The following TRIM58 variants were observed in gnomAD, a reference collection of about 807,000 sequenced individuals.
TRIM58 encodes E3 ubiquitin-protein ligase TRIM58.
In TRIM58, 38 loss-of-function variants were observed where a neutral mutation model predicts 34.1. The observed-to-expected ratio is 1.12, with a 90% CI of 0.86 to 1.46. The LOEUF (loss-of-function observed/expected upper bound fraction) is 1.46. Among genes scored for constraint, TRIM58 ranks in the 40% most tolerant of loss-of-function variants. The probability of loss-of-function intolerance (pLI) is 0.00; values close to 1 mark genes in which losing one functional copy is unlikely to be tolerated. For synonymous variants in TRIM58, 273 were observed against 275.7 expected (o/e 0.99, Z 0.10); for missense variants, 677 against 642.0 (o/e 1.05, Z -0.59).
At chr1:247,865,397 CAG>C (rs1663896301) in intron 3 of TRIM58, among the ~76,000 whole-genome samples, 1 of 152,202 alleles carries the variant, frequency 6.6e-6, no homozygotes, top group Non-Finnish European at 1.5e-5. Context: ...CCTAAAACCT[CAG>C]AGTCAGTTTG....
intron 5 of TRIM58, among the ~76,000 whole-genome samples, chr1:247,868,706 A>T (rs533619007): frequency 5.3e-5 from 8 of 152,298 alleles, no homozygotes; most frequent in Non-Finnish European, 1.0e-4. Context: ...TAATTTCCTG[A>T]AACAGCTGAC....
rs878874400 is a variant in TRIM58 at position 247,876,546 on chromosome 1, G to A, written c.*57G>A. ...GCGAACGTTCCTGGAGTGGGGTGAA[G>A]GATATCAATATACTAAGTTTTAACA... On this transcript the variant is annotated 3_prime_UTR_variant, in exon 6 of 6. Transcript: ENST00000366481. 2.9e-6 allele frequency: 4 copies of A among 1,370,028 alleles called. No individual in the cohort carries two copies. The South Asian group carries it at 4.0e-5, about 14-fold the overall frequency. The allele number at this position is 1,370,028 out of a possible 1,614,324, so 84.9% of individuals were successfully genotyped here. A position where few individuals can be genotyped will look rare whatever the true frequency, so the allele number is the denominator to read the frequency against.
rs1358787500 is a variant in TRIM58 at position 247,879,713 on chromosome 1, C to T, written c.*3224C>T. 6.6e-6 allele frequency among the ~76,000 whole-genome samples: 1 copy of T among 151,578 alleles called. No homozygotes were observed. The highest frequency in any genetic ancestry group is 1.5e-5 in the Non-Finnish European group (1 of 67,968). ...GGTTTCCACCAAAGCAGGCACTTCCCATCACAGGGCCATTTCCCCGCCTGT... is the reference window on the plus strand; with the variant it reads ...GGTTTCCACCAAAGCAGGCACTTCCTATCACAGGGCCATTTCCCCGCCTGT... On this transcript the variant is annotated 3_prime_UTR_variant, in exon 6 of 6. Transcript: ENST00000366481.
intron 2 of TRIM58, among the ~76,000 whole-genome samples, chr1:247,863,651 G>A (rs941738392): frequency 6.6e-6 from 1 of 151,954 alleles, no homozygotes; most frequent in East Asian, 1.9e-4. Flanking sequence ...AAAATAAATC[G>A]ATAAAACAGG....
intron 1 of TRIM58, among the ~76,000 whole-genome samples, chr1:247,859,116 A>G (rs753344302): frequency 6.6e-6 from 1 of 152,096 alleles, no homozygotes; most frequent in Non-Finnish European, 1.5e-5. Context: ...TAAATACCAA[A>G]TAAATATTAT....
At chr1:247,863,822 A>G (rs113599515) in intron 2 of TRIM58, among the ~76,000 whole-genome samples, 4 of 152,220 alleles carry the variant, frequency 2.6e-5, no homozygotes, top group African/African-American at 9.6e-5. Flanking sequence ...AAGACGTGAG[A>G]TTCAGGTAGA....
At chr1:247,867,764 G>A (rs1663964179) in intron 3 of TRIM58, 81 bp from the exon 4 acceptor site, 1 of 1,538,542 alleles carries the variant, frequency 6.5e-7, no homozygotes, top group Non-Finnish European at 9.0e-7. Flanking sequence ...AGTTTCTAAG[G>A]AAATTTTTAT....
intron 1 of TRIM58, among the ~76,000 whole-genome samples, chr1:247,859,154 C>A (rs1305376203): frequency 6.6e-6 from 1 of 152,082 alleles, no homozygotes; most frequent in Non-Finnish European, 1.5e-5. Flanking sequence ...TCAGTGAAAG[C>A]TTTCTAGGGC....
Position 247,868,042 on chromosome 1 carries a change from G to T in TRIM58, c.850G>T (p.Glu284Ter), listed in dbSNP as rs1363376184. 5 of 1,608,782 alleles carry T rather than the reference G, an allele frequency of 3.1e-6. No individual in the cohort carries two copies. Among genetic ancestry groups the T allele is most frequent in the Non-Finnish European group, 4.2e-6 (5 of 1,178,230 alleles). ...KTACCIPGRR[E>*]LLRKFQVDVK... ...AGCATGCTGCATCCCTGGGAGGAGG[G>T]AGCTCTTAAGGAAGTTCCAAGGTAG... The change falls in exon 5 of 6, where the codon GAG (glutamate) becomes TAG (stop). Residue 284 changes from glutamate (E) to a stop codon, truncating the protein, a stop_gained. Transcript: ENST00000366481. LOFTEE classifies it low-confidence loss of function (END_TRUNC).
At chr1:247,857,799 C>T in intron 1 of TRIM58, 133 bp downstream of exon 1, 2 of 1,153,896 alleles carry the variant, frequency 1.7e-6, no homozygotes, top group Non-Finnish European at 2.2e-6. Flanking sequence ...CGCGCCGTCC[C>T]CCCCGCCCAC....
rs1659366933 is a variant in TRIM58, at chr1:247,879,679, TC to T, written c.*3191del. 6.6e-6 allele frequency among the ~76,000 whole-genome samples: 1 copy of T among 150,930 alleles called. No individual in the cohort carries two copies. Among genetic ancestry groups the T allele is most frequent in the Non-Finnish European group, 1.5e-5 (1 of 67,894 alleles). ...GCATTCTGCTCCAGCTGCCCTGGCC[TC>T]ATGGCTGGGTTTCCACCAAAGCAGG... is the stretch of plus-strand genomic sequence containing the variant. On this transcript the variant is annotated 3_prime_UTR_variant, in exon 6 of 6. Transcript: ENST00000366481.
rs551159993 is a variant in TRIM58 at position 247,879,232 on chromosome 1, T to C, written c.*2743T>C. Among the ~76,000 whole-genome samples, 57 of 152,304 alleles carry C rather than the reference T, an allele frequency of 3.7e-4. 1 individual carries two copies. The highest frequency in any genetic ancestry group is 1.3e-3 in the African/African-American group (54 of 41,570). The stretch of plus-strand genomic sequence containing the variant: ...TTGATTGCTTAAGCCAGGCATCCGA[T>C]TGAGTACTTTCTTGATTTCTCCAGC... On this transcript the variant is annotated 3_prime_UTR_variant, in exon 6 of 6. Coordinates refer to ENST00000366481, the MANE Select transcript of TRIM58 (RefSeq NM_015431.4).
rs1210884892 is a variant in TRIM58 at position 247,866,343 on chromosome 1, A to AT, written c.747+1419dup. On this transcript the variant is annotated intron_variant, in intron 3 of 5. Coordinates refer to ENST00000366481, the MANE Select transcript of TRIM58 (RefSeq NM_015431.4). The stretch of plus-strand genomic sequence containing the variant: ...AGGCATGTGCCACCGCACCTGGCTA[A>AT]TTTTTTTTTTTGCGTTTTTACTAGA... Among the ~76,000 whole-genome samples, 839 of 146,854 alleles carry AT rather than the reference A, an allele frequency of 5.7e-3. 15 individuals carry two copies. The highest frequency in any genetic ancestry group is 0.024 in the Middle Eastern group (7 of 286).
intron 3 of TRIM58, among the ~76,000 whole-genome samples, chr1:247,866,831 T>C (rs937333139): frequency 3.9e-5 from 6 of 152,146 alleles, no homozygotes; most frequent in Non-Finnish European, 7.3e-5. Context: ...TATATTTTTA[T>C]ACTTTCCTTT....
At position 247,876,578 on chromosome 1, in the gene TRIM58, C is replaced by A; in HGVS notation, c.*89C>A. 1.0e-6 allele frequency: 1 copy of A among 955,632 alleles called. No individual in the cohort carries two copies. Among genetic ancestry groups the A allele is most frequent in the Non-Finnish European group, 1.5e-6 (1 of 649,224 alleles). The allele number at this position is 955,632 out of a possible 1,614,324, so 59.2% of individuals were successfully genotyped here. A position where few individuals can be genotyped will look rare whatever the true frequency, so the allele number is the denominator to read the frequency against. ...AATATACTAAGTTTTAACAGATACC[C>A]CATTTAGGTCAGCACTTGATTCGTT... On this transcript the variant is annotated 3_prime_UTR_variant, in exon 6 of 6. Coordinates refer to ENST00000366481, the MANE Select transcript of TRIM58 (RefSeq NM_015431.4).
At chr1:247,871,996 G>T (rs982730464) in intron 5 of TRIM58, among the ~76,000 whole-genome samples, 4 of 152,202 alleles carry the variant, frequency 2.6e-5, no homozygotes, top group African/African-American at 9.7e-5. Context: ...AGAAATGAGC[G>T]CCAAGGCCTG....
chr1:247,868,050 A>G lies in TRIM58; in HGVS notation c.858A>G (p.Leu286=), dbSNP rs1663971104. 6.2e-7 allele frequency: 1 copy of G among 1,607,006 alleles called. No homozygotes were observed. The highest frequency in any genetic ancestry group is 2.2e-5 in the East Asian group (1 of 44,810). Residue 286 remains leucine, a synonymous_variant, in exon 5 of 6, where the codon TTA becomes TTG. Coordinates refer to ENST00000366481, the MANE Select transcript of TRIM58 (RefSeq NM_015431.4). ...GCATCCCTGGGAGGAGGGAGCTCTT[A>G]AGGAAGTTCCAAGGTAGTTGCATCT... ...ACCIPGRREL[L]RKFQVDVKLD... is the part of the protein sequence containing the mutation.
At chr1:247,860,465 T>G (rs771474962) in intron 1 of TRIM58, 152 bp from the exon 2 acceptor site, 77 of 573,774 alleles carry the variant, frequency 1.3e-4, no homozygotes, top group Non-Finnish European at 2.0e-4. Context: ...CACTAAAACT[T>G]AAGTACATTT....
chr1:247,860,758 C>A (rs1572569613), intron 2 of TRIM58, 46 bp downstream of exon 2: 2 of 1,445,774 alleles, frequency 1.4e-6, no homozygotes, highest in Non-Finnish European at 1.9e-6. Flanking sequence ...TTTGAAGGAT[C>A]CAGATTCGGG....
Sources: gnomAD v4.1 joint callset for allele counts (sites outside exome capture counted in the v4.1 genomes callset) on GRCh38, gnomAD v4.1.1 for gene constraint, MANE v1.5 for transcripts, NCBI Gene and HGNC (gene_info 2026-07-23, HGNC 2026-07-21) for gene names.